Variants in RGS20 observed in about 807,000 individuals in gnomAD.
RGS20 encodes regulator of G protein signaling 20.
A neutral mutation model predicts 33.6 loss-of-function variants in RGS20; 30 were observed. The observed-to-expected ratio is 0.89, with a 90% CI of 0.67 to 1.21. The LOEUF (loss-of-function observed/expected upper bound fraction) is 1.21, where lower values mean the gene tolerates loss of function less well. Ranked by LOEUF, RGS20 falls within the 50% of genes most tolerant of loss-of-function variation. RGS20 has a pLI of 0.00. For missense variants in RGS20, 472 were observed against 502.4 expected (o/e 0.94, Z 0.58); for synonymous variants, 208 against 197.9 (o/e 1.05, Z -0.43).
rs949903929 is a variant in RGS20, at chr8:53,902,322, T to G, written c.510+22720T>G. ...GCCCCATTCTACTATTGATGAACAT[T>G]TGAATAGTTTTTGACTATTATGTGT... On this transcript the variant is annotated intron_variant, in intron 2 of 5. Coordinates refer to ENST00000297313, the MANE Select transcript of RGS20 (RefSeq NM_170587.4). 9.2e-5 allele frequency among the ~76,000 whole-genome samples: 14 copies of G among 152,184 alleles called. 1 individual carries two copies. Among genetic ancestry groups the G allele is most frequent in the African/African-American group, 2.9e-4 (12 of 41,434 alleles).
chr8:53,856,476 C>A (rs982157871), intron 1 of RGS20, among the ~76,000 whole-genome samples: 4 of 152,134 alleles, frequency 2.6e-5, no homozygotes, highest in Non-Finnish European at 5.9e-5. Context: ...GCCTTGGCCT[C>A]CCAAAGTGCT....
intron 2 of RGS20, chr8:53,913,352 G>A (rs10098863): frequency 0.34 from 51,105 of 152,064 alleles, 9,407 homozygotes; most frequent in African/African-American, 0.5. Flanking sequence ...TTGACAGTTC[G>A]GGACAGAAGC....
rs1479263514 is a variant in RGS20 at position 53,877,018 on chromosome 8, G to A, written c.166-2240G>A. On this transcript the variant is annotated intron_variant, in intron 1 of 5. Transcript: ENST00000297313. This position sits in a 1 kb window ranked among gnomAD's most constrained non-coding sequence, Gnocchi z 5.7. ...GGACTGGGGCGAAGGGAGAAAGGAG[G>A]TTACGAGTTCGCACGTTCTCACAAA... Among the ~76,000 whole-genome samples, 1 of 152,194 alleles carries A rather than the reference G, an allele frequency of 6.6e-6. No homozygotes were observed. The highest frequency in any genetic ancestry group is 2.4e-5 in the African/African-American group (1 of 41,446).
chr8:53,929,437 T>C (rs1813893981), intron 2 of RGS20, among the ~76,000 whole-genome samples: 1 of 152,110 alleles, frequency 6.6e-6, no homozygotes, highest in East Asian at 1.9e-4. Flanking sequence ...TCCCAGCACT[T>C]TGGGAGGCTG....
intron 4 of RGS20, among the ~76,000 whole-genome samples, chr8:53,951,213 A>T (rs1442647660): frequency 6.6e-6 from 1 of 152,194 alleles, no homozygotes; most frequent in Non-Finnish European, 1.5e-5. Context: ...GGCCAGGCAC[A>T]GTGGCTCCTG....
chr8:53,852,802 C>T (rs1339539188), intron 1 of RGS20, among the ~76,000 whole-genome samples: 3 of 152,152 alleles, frequency 2.0e-5, no homozygotes, highest in African/African-American at 7.2e-5. Context: ...TACTTTAACA[C>T]CAGAAAATTC....
intron 2 of RGS20, among the ~76,000 whole-genome samples, chr8:53,892,538 G>C (rs1011289214): frequency 9.2e-5 from 14 of 152,148 alleles, no homozygotes; most frequent in African/African-American, 2.9e-4. Context: ...TTATGCTTCA[G>C]ATTGCAGTTA....
intron 3 of RGS20, 99 bp from the exon 3 acceptor site, chr8:53,946,566 T>C (rs762588310): frequency 9.9e-7 from 1 of 1,007,272 alleles, no homozygotes; most frequent in East Asian, 2.4e-5. Flanking sequence ...AGAAATTCTA[T>C]TAATACTTGG....
rs755896603 is a variant in RGS20 at position 53,879,308 on chromosome 8, C to A, written c.216C>A (p.Phe72Leu). ...ACTCGCCCGCCGCCCCGAAGCTGTT[C>A]GGCCTCCTTTCTAGCCCGCTTTCCA... Residue 72 changes from phenylalanine (F) to leucine (L), a missense_variant, in exon 2 of 6, where the codon TTC (phenylalanine) becomes TTA (leucine). By Grantham distance (22) the Phe-to-Leu change is conservative. This residue lies in a region of RGS20 where 319 missense variants were observed against 283.4 expected (regional missense o/e 1.13). Coordinates refer to ENST00000297313, the MANE Select transcript of RGS20 (RefSeq NM_170587.4). 6.2e-7 allele frequency: 1 copy of A among 1,613,630 alleles called. No homozygotes were observed. The highest frequency in any genetic ancestry group is 8.5e-7 in the Non-Finnish European group (1 of 1,179,994).
Position 53,958,482 on chromosome 8 carries a change from TAA to T in RGS20, c.*25_*26del. The T allele has an allele frequency of 3.2e-6, 4 of 1,242,398 alleles. No individual in the cohort carries two copies. The highest frequency in any genetic ancestry group is 4.2e-6 in the Non-Finnish European group (4 of 950,376). 77.0% of individuals were successfully genotyped at this position (1,242,398 alleles called of 1,614,324 possible). A position where few individuals can be genotyped will look rare whatever the true frequency, so the allele number is the denominator to read the frequency against. On this transcript the variant is annotated 3_prime_UTR_variant, in exon 6 of 6. Coordinates refer to ENST00000297313, the MANE Select transcript of RGS20 (RefSeq NM_170587.4). Reference sequence around the variant, plus strand: ...AGGATTTTTCAAATATATTTATTATTAATAAAATAATAAAAGAATTCATGGGC... The same window carrying T: ...AGGATTTTTCAAATATATTTATTATTTAAAATAATAAAAGAATTCATGGGC...
At chr8:53,860,333 G>A (rs1222796040) in intron 1 of RGS20, among the ~76,000 whole-genome samples, 2 of 152,180 alleles carry the variant, frequency 1.3e-5, no homozygotes, top group Non-Finnish European at 2.9e-5. Flanking sequence ...TGGCTTATAT[G>A]ATTTCGAATT....
At chr8:53,909,209 GTATATA>G (rs1178436696) in intron 2 of RGS20, among the ~76,000 whole-genome samples, 4,667 of 43,578 alleles carry the variant, frequency 0.11, 196 homozygotes, top group East Asian at 0.17. Flanking sequence ...TGGTATGTGT[GTATATA>G]TATATATATA....
chr8:53,855,001 G>A (rs1378960028), intron 1 of RGS20, among the ~76,000 whole-genome samples: 1 of 152,206 alleles, frequency 6.6e-6, no homozygotes, highest in Admixed American at 6.5e-5. Context: ...GGTGCTGAGT[G>A]GGGGAGAAAA....
chr8:53,914,970 C>T (rs1813445555), intron 2 of RGS20: 1 of 152,170 alleles, frequency 6.6e-6, no homozygotes, highest in South Asian at 2.1e-4. Context: ...CATGGTGAAA[C>T]TCTGTATCTA....
At chr8:53,925,796 A>C (rs1162696049) in intron 2 of RGS20, among the ~76,000 whole-genome samples, 1 of 152,196 alleles carries the variant, frequency 6.6e-6, no homozygotes, top group Non-Finnish European at 1.5e-5. Context: ...AGCAGGGAAC[A>C]GCTAGTACTA....
In RGS20 at chr8:53,958,351, C is replaced by T; in HGVS notation, c.1060C>T (p.Leu354Phe). The change falls in exon 6 of 6, where the codon CTT (leucine) becomes TTT (phenylalanine). Residue 354 changes from leucine (L) to phenylalanine (F), a missense_variant. By Grantham distance (22) the Leu-to-Phe change is conservative (BLOSUM62 0). This residue lies in a region of RGS20 where 125 missense variants were observed against 169.5 expected (regional missense o/e 0.74). Coordinates refer to ENST00000297313, the MANE Select transcript of RGS20 (RefSeq NM_170587.4). The stretch of plus-strand genomic sequence containing the variant: ...CCAACACATATTCGATGATGCTCAA[C>T]TTCAGATTTACACCCTGATGCACAG... 1.9e-6 allele frequency: 3 copies of T among 1,613,926 alleles called. No individual in the cohort carries two copies. The East Asian group carries it at 6.7e-5, about 36-fold the overall frequency.
At chr8:53,947,034 T>C (rs1272628454) in intron 4 of RGS20, among the ~76,000 whole-genome samples, 2 of 148,072 alleles carry the variant, frequency 1.4e-5, no homozygotes, top group East Asian at 1.9e-4. Context: ...TTATATAATA[T>C]ACTTTTAAAA....
chr8:53,931,704 C>T (rs192441616), intron 2 of RGS20, among the ~76,000 whole-genome samples: 20 of 152,230 alleles, frequency 1.3e-4, no homozygotes, highest in African/African-American at 2.4e-4. Flanking sequence ...AGGTATCTGG[C>T]TAATCTCATT....
Position 53,954,267 on chromosome 8 carries a change from G to T in RGS20, c.935G>T (p.Arg312Met). ...AAAAACATTATTGAAGAGAAAGCAA[G>T]GATAATCTATGAAGACTACATTTCT... is the stretch of plus-strand genomic sequence containing the variant. Residue 312 changes from arginine to methionine, a missense_variant, in exon 5 of 6, where the codon AGG becomes ATG. Around this residue, in one of 3 missense-constraint regions of RGS20, gnomAD observed 125 missense variants for 169.5 expected, o/e 0.74. Transcript: ENST00000297313. 6.2e-7 allele frequency: 1 copy of T among 1,613,316 alleles called. No individual in the cohort carries two copies. Among genetic ancestry groups the T allele is most frequent in the South Asian group, 1.1e-5 (1 of 91,042 alleles).
Sources: allele counts gnomAD v4.1 joint callset (sites outside exome capture counted in the v4.1 genomes callset), GRCh38; gene constraint gnomAD v4.1.1; regional missense constraint gnomAD v4.1.1; non-coding constraint Gnocchi (gnomAD v3.1); transcripts MANE v1.5; gene names NCBI Gene and HGNC (gene_info 2026-07-23, HGNC 2026-07-21).